CACNA1B: variants seen among roughly 807,000 people sequenced by gnomAD.
The protein encoded by CACNA1B is voltage-dependent N-type calcium channel subunit alpha-1B.
Under a neutral mutation model 247.2 loss-of-function variants are expected in CACNA1B, and 70 were observed. The ratio of observed to expected loss-of-function variants is 0.28; its 90% CI spans 0.23 to 0.35. The LOEUF (loss-of-function observed/expected upper bound fraction) is 0.35, where lower values mean the gene tolerates loss of function less well. CACNA1B is among the 10% of genes least tolerant of loss of function. The pLI is 1.00. For missense variants in CACNA1B, 2,367 were observed against 3,197.4 expected, an observed-to-expected ratio of 0.74 and a Z score of 6.26; for synonymous variants, 1,231 against 1,294.4, an observed-to-expected ratio of 0.95 and a Z score of 1.05.
chr9:138,037,909 G>C (rs1166377110), intron 20 of CACNA1B, among the ~76,000 whole-genome samples: 1 of 152,122 alleles, frequency 6.6e-6, no homozygotes, highest in Non-Finnish European at 1.5e-5. Flanking sequence ...GTTCAGTGAG[G>C]GTCGCAAAAT....
Position 138,121,163 on chromosome 9 carries a change from G to T in CACNA1B, c.6489+282G>T, listed in dbSNP as rs1019887550. Among the ~76,000 whole-genome samples, 1 of 152,000 alleles carries T rather than the reference G, an allele frequency of 6.6e-6. No homozygotes were observed. The highest frequency in any genetic ancestry group is 6.5e-5 in the Admixed American group (1 of 15,268). On this transcript the variant is annotated intron_variant, in intron 46 of 46. Transcript: ENST00000371372. This position sits in a 1 kb window ranked among gnomAD's most constrained non-coding sequence, Gnocchi z 6.8. Reference sequence around the variant, plus strand: ...GCCCCCAAATACTTACCTCTCTCTCGGTCACTTAACTCTCCTTCCCTGACT... The same window carrying T: ...GCCCCCAAATACTTACCTCTCTCTCTGTCACTTAACTCTCCTTCCCTGACT...
intron 15 of CACNA1B, among the ~76,000 whole-genome samples, chr9:138,002,988 A>G (rs957322824): frequency 3.3e-5 from 5 of 151,592 alleles, no homozygotes; most frequent in Admixed American, 2.6e-4. Context: ...TTTAGTAGAC[A>G]GGGTTTCACT....
At chr9:137,920,924 G>C (rs1245910944) in intron 6 of CACNA1B, among the ~76,000 whole-genome samples, 2 of 152,206 alleles carry the variant, frequency 1.3e-5, no homozygotes, top group Non-Finnish European at 2.9e-5. Flanking sequence ...TATAGCAGAG[G>C]GTGGTGGCGG....
In CACNA1B at chr9:138,047,284, T is replaced by C. The variant is rs1959193070; in HGVS notation, c.3544-115T>C. On this transcript the variant is annotated intron_variant, in intron 22 of 46. Transcript: ENST00000371372. ...TTCCCAGAACCGTTTTCCACAGGCT[T>C]CCTGGCTCCCTGGCTGACTGCTCAG... The C allele has an allele frequency of 4.8e-6, 4 of 838,956 alleles. No individual in the cohort carries two copies. In the East Asian group the frequency reaches 7.7e-5, roughly 16 times the overall value. 52.0% of individuals were successfully genotyped at this position (838,956 alleles called of 1,614,324 possible).
chr9:137,920,152 A>AG (rs1957461291), intron 6 of CACNA1B, among the ~76,000 whole-genome samples: 1 of 152,054 alleles, frequency 6.6e-6, no homozygotes, highest in Non-Finnish European at 1.5e-5. Context: ...GGGTATTGTC[A>AG]TGGTGAAGCA....
chr9:138,094,498 A>G (rs960983604), intron 36 of CACNA1B, among the ~76,000 whole-genome samples: 2 of 151,836 alleles, frequency 1.3e-5, no homozygotes, highest in African/African-American at 4.8e-5. Flanking sequence ...ACTTCTCCCA[A>G]ATATACAAGA....
intron 3 of CACNA1B, among the ~76,000 whole-genome samples, chr9:137,898,613 C>G (rs974376317): frequency 6.6e-6 from 1 of 152,122 alleles, no homozygotes; most frequent in Non-Finnish European, 1.5e-5. Context: ...TAAAGCAATC[C>G]TCCCACCTCA....
At chr9:138,035,803 C>T (rs1245234411) in intron 20 of CACNA1B, among the ~76,000 whole-genome samples, 2 of 152,166 alleles carry the variant, frequency 1.3e-5, no homozygotes, top group African/African-American at 2.4e-5. Flanking sequence ...TAGTTGGATA[C>T]TCAGCTCATG....
intron 25 of CACNA1B, among the ~76,000 whole-genome samples, chr9:138,053,479 C>G (rs1178277980): frequency 1.4e-4 from 22 of 152,138 alleles, no homozygotes; most frequent in Non-Finnish European, 5.9e-5. Context: ...CTCAGGTTTC[C>G]ATCCCGTAGG....
At position 137,882,480 on chromosome 9, in the gene CACNA1B, C is replaced by T. The variant is rs1486275412; in HGVS notation, c.391-264C>T. Reference sequence around the variant, plus strand: ...AGCTGAGATGCCAGGGTGGGAGGCACGAGGGGCCTGCAGGCATGACTGGGA... The same window carrying T: ...AGCTGAGATGCCAGGGTGGGAGGCATGAGGGGCCTGCAGGCATGACTGGGA... On this transcript the variant is annotated intron_variant, in intron 2 of 46. Coordinates refer to ENST00000371372, the MANE Select transcript of CACNA1B (RefSeq NM_000718.4). The surrounding 1 kb of genome is among the most constrained non-coding windows in gnomAD (Gnocchi z 4.0). Among the ~76,000 whole-genome samples, 7 of 152,076 alleles carry T rather than the reference C, an allele frequency of 4.6e-5. No homozygotes were observed. Among genetic ancestry groups the T allele is most frequent in the Admixed American group, 3.3e-4 (5 of 15,280 alleles).
In CACNA1B at chr9:138,014,626, T is replaced by C. The variant is rs1401497882; in HGVS notation, c.2267+1391T>C. ...CCAGGGGTTTGCTACCAGGGCTCTG[T>C]GAGCTCTGCAGGTGGGTGGTCTGCA... On this transcript the variant is annotated intron_variant, in intron 18 of 46. Transcript: ENST00000371372. This position sits in a 1 kb window ranked among gnomAD's most constrained non-coding sequence, Gnocchi z 6.2. Among the ~76,000 whole-genome samples the C allele has an allele frequency of 6.6e-6, 1 of 152,210 alleles. No homozygotes were observed. Among genetic ancestry groups the C allele is most frequent in the East Asian group, 1.9e-4 (1 of 5,194 alleles).
chr9:137,975,914 A>C lies in CACNA1B; in HGVS notation c.1551A>C (p.Ala517=). ...TTCTCCGGCTTCTCCTAGATTTTGCAGAGTTTGTTTTCCTGGGTCTCTTCC... is the reference window on the plus strand; with the variant it reads ...TTCTCCGGCTTCTCCTAGATTTTGCCGAGTTTGTTTTCCTGGGTCTCTTCC... ...PRRLTTTLYF[A]EFVFLGLFLT... is the part of the protein sequence containing the mutation. Residue 517 remains alanine, a synonymous_variant, in exon 12 of 47, where the codon GCA becomes GCC. Transcript: ENST00000371372. The C allele has an allele frequency of 1.2e-6, 2 of 1,606,828 alleles. No individual in the cohort carries two copies. Among genetic ancestry groups the C allele is most frequent in the Non-Finnish European group, 8.5e-7 (1 of 1,173,550 alleles).
chr9:138,109,282 A>G (rs1022273120), intron 39 of CACNA1B, among the ~76,000 whole-genome samples: 1 of 152,250 alleles, frequency 6.6e-6, no homozygotes, highest in Non-Finnish European at 1.5e-5. Flanking sequence ...AATTTAGACA[A>G]TCCTATACAA....
chr9:137,987,712 G>A (rs1186642216), intron 15 of CACNA1B, among the ~76,000 whole-genome samples: 3 of 152,198 alleles, frequency 2.0e-5, no homozygotes, highest in Non-Finnish European at 2.9e-5. Flanking sequence ...CTCGAAGGGA[G>A]GAAGTCTTAC....
chr9:138,057,991 GT>G lies in CACNA1B; in HGVS notation c.4107-56del. On this transcript the variant is annotated intron_variant, in intron 27 of 46. Transcript: ENST00000371372. The surrounding 1 kb of genome is among the most constrained non-coding windows in gnomAD (Gnocchi z 4.0). ...CCCACCCTTGTGGTGCAGGTCTTGA[GT>G]TCTTAGGGCTGTCTCCTTTGGGGGT... 2 of 1,572,242 alleles carry G rather than the reference GT, an allele frequency of 1.3e-6. No individual in the cohort carries two copies. Among genetic ancestry groups the G allele is most frequent in the South Asian group, 2.2e-5 (2 of 90,170 alleles).
In CACNA1B at chr9:138,124,042, T is replaced by A. The variant is rs1043769638; in HGVS notation, c.*2043T>A. 2 of 152,194 alleles carry A rather than the reference T, an allele frequency of 1.3e-5. No individual in the cohort carries two copies. Among genetic ancestry groups the A allele is most frequent in the Non-Finnish European group, 2.9e-5 (2 of 68,046 alleles). The allele number at this position is 152,194 out of a possible 1,614,324, so 9.4% of individuals were successfully genotyped here. A position where few individuals can be genotyped will look rare whatever the true frequency, so the allele number is the denominator to read the frequency against. Reference sequence around the variant, plus strand: ...AAACCCACACAGCCTAGCTGGCTTGTCTAGACTCTTCTAGGCATTGGAATT... The same window carrying A: ...AAACCCACACAGCCTAGCTGGCTTGACTAGACTCTTCTAGGCATTGGAATT... On this transcript the variant is annotated 3_prime_UTR_variant, in exon 47 of 47. Coordinates refer to ENST00000371372, the MANE Select transcript of CACNA1B (RefSeq NM_000718.4).
At chr9:138,063,676 T>C (rs1357556017) in intron 31 of CACNA1B, among the ~76,000 whole-genome samples, 2 of 152,148 alleles carry the variant, frequency 1.3e-5, no homozygotes, top group African/African-American at 4.8e-5. Flanking sequence ...GCTGAGTAGA[T>C]CTGTTCTATT....
intron 21 of CACNA1B, among the ~76,000 whole-genome samples, chr9:138,045,344 A>G (rs7865887): frequency 0.42 from 64,029 of 152,024 alleles, 17,245 homozygotes; most frequent in African/African-American, 0.76. Context: ...TGGGGAGACT[A>G]CAGATGGAGG....
intron 15 of CACNA1B, among the ~76,000 whole-genome samples, chr9:138,000,318 T>C (rs781195271): frequency 1.3e-5 from 2 of 152,040 alleles, no homozygotes; most frequent in Non-Finnish European, 1.5e-5. Context: ...CAGGATGGTC[T>C]CGATCTCCTG....
Sources: gnomAD v4.1 joint callset for allele counts (sites outside exome capture counted in the v4.1 genomes callset) on GRCh38, gnomAD v4.1.1 for gene constraint, Gnocchi (gnomAD v3.1) non-coding constraint, MANE v1.5 for transcripts, NCBI Gene and HGNC (gene_info 2026-07-23, HGNC 2026-07-21) for gene names.